STEAP4: variants seen among roughly 807,000 people sequenced by gnomAD.
STEAP4 encodes the protein STEAP4 metalloreductase.
Under a neutral mutation model 43.6 loss-of-function variants are expected in STEAP4, and 36 were observed. The ratio of observed to expected loss-of-function variants is 0.83; its 90% CI spans 0.63 to 1.09. The LOEUF is 1.09. Ranked by LOEUF, STEAP4 falls within the 50% of genes least tolerant of loss-of-function variation. The probability of loss-of-function intolerance (pLI) is 0.00; values close to 1 mark genes in which losing one functional copy is unlikely to be tolerated. For missense variants in STEAP4, 495 were observed against 546.5 expected, an observed-to-expected ratio of 0.91 and a Z score of 0.94; for synonymous variants, 191 against 196.7, an observed-to-expected ratio of 0.97 and a Z score of 0.24.
chr7:88,292,752 C>A (rs1331722231), intron 1 of STEAP4: 2 of 152,144 alleles, frequency 1.3e-5, no homozygotes, highest in African/African-American at 4.8e-5. Flanking sequence ...TTTATCACTA[C>A]AATTTGGTCA....
Position 88,271,041 on chromosome 7 carries a change from A to C in STEAP4, c.*8357T>G, listed in dbSNP as rs879834349. 4 of 152,106 alleles carry C rather than the reference A, an allele frequency of 2.6e-5. No homozygotes were observed. The highest frequency in any genetic ancestry group is 5.9e-5 in the Non-Finnish European group (4 of 67,982). 9.4% of individuals were successfully genotyped at this position (152,106 alleles called of 1,614,324 possible). On this transcript the variant is annotated 3_prime_UTR_variant, in exon 5 of 5. Coordinates refer to ENST00000380079, the MANE Select transcript of STEAP4 (RefSeq NM_024636.4). Reference sequence around the variant, plus strand: ...ATATCCATCATCTTAAGCATTTATCATTTCTTTCTGTTGAGAACATTCAAT... The same window carrying C: ...ATATCCATCATCTTAAGCATTTATCCTTTCTTTCTGTTGAGAACATTCAAT...
intron 1 of STEAP4, among the ~76,000 whole-genome samples, chr7:88,289,814 C>G (rs752398470): frequency 5.3e-5 from 8 of 152,230 alleles, no homozygotes; most frequent in Non-Finnish European, 1.0e-4. Flanking sequence ...AAAAGTGCAG[C>G]TGTGCCTTTG....
chr7:88,271,432 T>A lies in STEAP4; in HGVS notation c.*7966A>T, dbSNP rs546618728. The A allele has an allele frequency of 6.6e-6, 1 of 152,220 alleles. No individual in the cohort carries two copies. Among genetic ancestry groups the A allele is most frequent in the East Asian group, 1.9e-4 (1 of 5,198 alleles). The allele number at this position is 152,220 out of a possible 1,614,324, so 9.4% of individuals were successfully genotyped here. ...CTATATATGTTATTTTGTACCTTTT[T>A]AAAAACTGAACAGTATATTTTGGAC... On this transcript the variant is annotated 3_prime_UTR_variant, in exon 5 of 5. Coordinates refer to ENST00000380079, the MANE Select transcript of STEAP4 (RefSeq NM_024636.4).
At chr7:88,306,343 G>T (rs958172588) in intron 1 of STEAP4, among the ~76,000 whole-genome samples, 1 of 152,202 alleles carries the variant, frequency 6.6e-6, no homozygotes, top group African/African-American at 2.4e-5. Flanking sequence ...ATTGCAAGAG[G>T]AAATTTAAAT....
At chr7:88,301,959 G>T (rs1269082749) in intron 1 of STEAP4, among the ~76,000 whole-genome samples, 1 of 152,140 alleles carries the variant, frequency 6.6e-6, no homozygotes, top group Non-Finnish European at 1.5e-5. Context: ...ACATAATAGG[G>T]ACACTAAATC....
At chr7:88,301,522 C>T (rs1326056210) in intron 1 of STEAP4, among the ~76,000 whole-genome samples, 1 of 152,190 alleles carries the variant, frequency 6.6e-6, no homozygotes, top group African/African-American at 2.4e-5. Context: ...AGTGATTCTC[C>T]TACCTCAGCC....
chr7:88,303,503 A>AG (rs980521878), intron 1 of STEAP4, among the ~76,000 whole-genome samples: 7 of 151,882 alleles, frequency 4.6e-5, no homozygotes, highest in African/African-American at 1.7e-4. Flanking sequence ...CTCAAAAAAA[A>AG]AAAAAAAAAG....
rs756678841 is a variant in STEAP4 at position 88,284,284 on chromosome 7, A to C, written c.-2-13T>G. The C allele has an allele frequency of 2.6e-6, 4 of 1,522,794 alleles. No individual in the cohort carries two copies. The highest frequency in any genetic ancestry group is 3.5e-6 in the Non-Finnish European group (4 of 1,130,090). 94.3% of individuals were successfully genotyped at this position (1,522,794 alleles called of 1,614,324 possible). On this transcript the variant is annotated splice_polypyrimidine_tract_variant and intron_variant, in intron 1 of 4. Coordinates refer to ENST00000380079, the MANE Select transcript of STEAP4 (RefSeq NM_024636.4). ...GTTTTCTCCATAACTGAAAAATAAT[A>C]ACACAAATGCCCAACAAAATATAAA...
In STEAP4 at chr7:88,272,207, A is replaced by G. The variant is rs1305109758; in HGVS notation, c.*7191T>C. On this transcript the variant is annotated 3_prime_UTR_variant, in exon 5 of 5. Coordinates refer to ENST00000380079, the MANE Select transcript of STEAP4 (RefSeq NM_024636.4). ...AATGTCTTGGAAGCATCTGTATTCC[A>G]ATGTTAAGCAAGGATTTGGTGGATG... The G allele has an allele frequency of 6.6e-6, 1 of 152,230 alleles. No individual in the cohort carries two copies. Among genetic ancestry groups the G allele is most frequent in the Non-Finnish European group, 1.5e-5 (1 of 68,050 alleles). 9.4% of individuals were successfully genotyped at this position (152,230 alleles called of 1,614,324 possible).
rs1301568240 is a variant in STEAP4 at position 88,274,248 on chromosome 7, T to C, written c.*5150A>G. ...CTGTTATGAGGATTAAATAAGATAA[T>C]GCATGTGAAATTGTTAGCATAGGCT... On this transcript the variant is annotated 3_prime_UTR_variant, in exon 5 of 5. Coordinates refer to ENST00000380079, the MANE Select transcript of STEAP4 (RefSeq NM_024636.4). 1 of 152,246 alleles carries C rather than the reference T, an allele frequency of 6.6e-6. No individual in the cohort carries two copies. The highest frequency in any genetic ancestry group is 1.5e-5 in the Non-Finnish European group (1 of 68,046). The allele number at this position is 152,246 out of a possible 1,614,324, so 9.4% of individuals were successfully genotyped here.
rs1852553174 is a variant in STEAP4, at chr7:88,278,528, ATACT to A, written c.*866_*869del. The stretch of plus-strand genomic sequence containing the variant: ...CAAAGCATATTATAATACCTAAATA[ATACT>A]TAACCTAATATAGTGCAATTTTACA... On this transcript the variant is annotated 3_prime_UTR_variant, in exon 5 of 5. Transcript: ENST00000380079. The A allele has an allele frequency of 6.6e-6, 1 of 152,228 alleles. No homozygotes were observed. The highest frequency in any genetic ancestry group is 2.4e-5 in the African/African-American group (1 of 41,466). 9.4% of individuals were successfully genotyped at this position (152,228 alleles called of 1,614,324 possible). A position where few individuals can be genotyped will look rare whatever the true frequency, so the allele number is the denominator to read the frequency against.
intron 1 of STEAP4, among the ~76,000 whole-genome samples, chr7:88,298,080 C>T (rs1852956602): frequency 1.3e-5 from 2 of 151,998 alleles, no homozygotes; most frequent in Non-Finnish European, 2.9e-5. Context: ...GTGCATAGTG[C>T]TATCGTGCCA....
intron 1 of STEAP4, among the ~76,000 whole-genome samples, chr7:88,285,636 T>A (rs1852717906): frequency 6.6e-6 from 1 of 151,404 alleles, no homozygotes. Flanking sequence ...GCCAACATAG[T>A]GAAATCCCAT....
At chr7:88,296,477 G>T (rs1586752191) in intron 1 of STEAP4, among the ~76,000 whole-genome samples, 1 of 152,144 alleles carries the variant, frequency 6.6e-6, no homozygotes, top group East Asian at 1.9e-4. Context: ...AAATAGGAGG[G>T]TTTTTTTAAA....
At chr7:88,291,659 G>T (rs1201211805) in intron 1 of STEAP4, among the ~76,000 whole-genome samples, 1 of 152,064 alleles carries the variant, frequency 6.6e-6, no homozygotes, top group Non-Finnish European at 1.5e-5. Context: ...GTTCATGGAG[G>T]TTCCTTGTTC....
chr7:88,283,458 C>G (rs1179567337), intron 2 of STEAP4: 5 of 470,644 alleles, frequency 1.1e-5, no homozygotes, highest in Non-Finnish European at 1.5e-5. Flanking sequence ...TTTGTGGTGC[C>G]GCATCACTTA....
At position 88,283,816 on chromosome 7, in the gene STEAP4, G is replaced by T. The variant is rs1416386474; in HGVS notation, c.454C>A (p.Gln152Lys). 6.2e-7 allele frequency: 1 copy of T among 1,609,006 alleles called. No individual in the cohort carries two copies. Among genetic ancestry groups the T allele is most frequent in the East Asian group, 2.2e-5 (1 of 44,808 alleles). Residue 152 changes from glutamine (Q) to lysine (K), a missense_variant and splice_region_variant, in exon 2 of 5, where the codon CAG becomes AAG. Gln to Lys is a moderately conservative substitution (Grantham distance 53). Transcript: ENST00000380079. ...AGTGTAAATTTGTTTATTCTTACCT[G>T]CCGACTTGCATCCAGTGCTCCTGAC... ...LQSGALDASR[Q>K]VFVCGNDSKA... is the part of the protein sequence containing the mutation.
chr7:88,296,108 C>T (rs1300193156), intron 1 of STEAP4, among the ~76,000 whole-genome samples: 2 of 152,100 alleles, frequency 1.3e-5, no homozygotes, highest in East Asian at 3.8e-4. Flanking sequence ...AGTTGTCTTC[C>T]AAGAGCCATG....
At position 88,273,884 on chromosome 7, in the gene STEAP4, A is replaced by G. The variant is rs1218883326; in HGVS notation, c.*5514T>C. The G allele has an allele frequency of 6.6e-6, 1 of 152,218 alleles. No individual in the cohort carries two copies. Among genetic ancestry groups the G allele is most frequent in the East Asian group, 1.9e-4 (1 of 5,198 alleles). The allele number at this position is 152,218 out of a possible 1,614,324, so 9.4% of individuals were successfully genotyped here. A position where few individuals can be genotyped will look rare whatever the true frequency, so the allele number is the denominator to read the frequency against. ...TCCTGTGTTTCTACAACCTTAGAGG[A>G]CGAATTGAAATCAGCATAGATAAAC... On this transcript the variant is annotated 3_prime_UTR_variant, in exon 5 of 5. Transcript: ENST00000380079.
Sources: allele counts gnomAD v4.1 joint callset (sites outside exome capture counted in the v4.1 genomes callset), GRCh38; gene constraint gnomAD v4.1.1; transcripts MANE v1.5; gene names NCBI Gene and HGNC (gene_info 2026-07-23, HGNC 2026-07-21).